SNTG1: variants seen among roughly 807,000 people sequenced by gnomAD.
SNTG1 encodes gamma-1-syntrophin.
In SNTG1, 39 loss-of-function variants were observed where a neutral mutation model predicts 74.7. The ratio of observed to expected loss-of-function variants is 0.52; its 90% confidence interval spans 0.40 to 0.68. The LOEUF is 0.68. SNTG1 is among the 30% of genes least tolerant of loss of function. The pLI, the probability that SNTG1 is intolerant of heterozygous loss-of-function variation, is 0.00. For synonymous variants in SNTG1, 254 were observed against 217.1 expected, an observed-to-expected ratio of 1.17 and a Z score of -1.49; for missense variants, 685 against 609.5, an observed-to-expected ratio of 1.12 and a Z score of -1.30.
intron 12 of SNTG1, among the ~76,000 whole-genome samples, chr8:50,572,258 T>TTATA (rs778113467): frequency 1.4e-4 from 13 of 93,118 alleles, no homozygotes; most frequent in East Asian, 4.4e-4. Context: ...ATCACCTATT[T>TTATA]TATATATATA....
intron 17 of SNTG1, among the ~76,000 whole-genome samples, chr8:50,718,512 C>T (rs924340746): frequency 6.6e-6 from 1 of 152,124 alleles, no homozygotes; most frequent in Non-Finnish European, 1.5e-5. Context: ...ATGGTTCTCT[C>T]GAACATCCTC....
intron 13 of SNTG1, among the ~76,000 whole-genome samples, chr8:50,616,708 T>C (rs1430821642): frequency 6.6e-6 from 1 of 152,182 alleles, no homozygotes; most frequent in Non-Finnish European, 1.5e-5. Context: ...GACCTGTGTT[T>C]CATGTGCAGA....
chr8:50,416,529 T>TATTA (rs2093015961), intron 4 of SNTG1, among the ~76,000 whole-genome samples: 1 of 152,156 alleles, frequency 6.6e-6, no homozygotes, highest in African/African-American at 2.4e-5. Context: ...TTTTCAAGAC[T>TATTA]ATTATTAATA....
chr8:50,629,916 G>A (rs1353031969), intron 13 of SNTG1, among the ~76,000 whole-genome samples: 1 of 152,160 alleles, frequency 6.6e-6, no homozygotes, highest in Non-Finnish European at 1.5e-5. Context: ...TAACAGTGCT[G>A]CTTCGATATT....
chr8:50,502,946 C>A, intron 9 of SNTG1, 66 bp downstream of exon 9: 2 of 1,288,520 alleles, frequency 1.6e-6, no homozygotes, highest in Non-Finnish European at 2.2e-6. Flanking sequence ...ATTATTTTGA[C>A]AATAATTGGT....
intron 9 of SNTG1, among the ~76,000 whole-genome samples, chr8:50,503,847 T>G (rs2093984190): frequency 6.6e-6 from 1 of 152,202 alleles, no homozygotes; most frequent in Admixed American, 6.5e-5. Context: ...AAACGTTCTT[T>G]TATTTAACTT....
chr8:50,305,601 C>A (rs1587042050), intron 2 of SNTG1, among the ~76,000 whole-genome samples: 1 of 145,768 alleles, frequency 6.9e-6, no homozygotes. Context: ...TTGGTTTTTA[C>A]TTTGTTTTTG....
At chr8:50,669,093 C>T (rs1272297899) in intron 15 of SNTG1, among the ~76,000 whole-genome samples, 1 of 151,760 alleles carries the variant, frequency 6.6e-6, no homozygotes, top group Non-Finnish European at 1.5e-5. Context: ...CAGGAAAGAT[C>T]CAAAATTGAC....
intron 17 of SNTG1, among the ~76,000 whole-genome samples, chr8:50,735,113 ACT>A (rs1199357455): frequency 6.6e-6 from 1 of 151,244 alleles, no homozygotes; most frequent in Non-Finnish European, 1.5e-5. Context: ...CGAAACAGAA[ACT>A]CTGTAACTAT....
At chr8:50,791,284 G>C (rs1477718146) in intron 18 of SNTG1, among the ~76,000 whole-genome samples, 7 of 151,752 alleles carry the variant, frequency 4.6e-5, no homozygotes. Flanking sequence ...TCATTATGAT[G>C]GAGTTACTAA....
intron 1 of SNTG1, among the ~76,000 whole-genome samples, chr8:50,131,171 A>G (rs542015586): frequency 5.6e-4 from 86 of 152,220 alleles, no homozygotes; most frequent in African/African-American, 2.0e-3. Context: ...ATAAATCAAC[A>G]CATTTATGAC....
chr8:50,287,592 G>C (rs889907947), intron 2 of SNTG1, among the ~76,000 whole-genome samples: 1 of 152,084 alleles, frequency 6.6e-6, no homozygotes, highest in East Asian at 1.9e-4. Context: ...GCAGTTCTGT[G>C]GTCGGTTATC....
chr8:50,203,358 C>A (rs1281215391), intron 2 of SNTG1, among the ~76,000 whole-genome samples: 1 of 152,120 alleles, frequency 6.6e-6, no homozygotes, highest in Non-Finnish European at 1.5e-5. Context: ...ACAATCTCAG[C>A]TGTTTCTCTG....
intron 17 of SNTG1, among the ~76,000 whole-genome samples, chr8:50,726,077 A>G (rs1224107050): frequency 6.6e-6 from 1 of 152,142 alleles, no homozygotes; most frequent in Non-Finnish European, 1.5e-5. Flanking sequence ...GGTATGTGAC[A>G]TGTGGTATGT....
chr8:50,400,570 C>A (rs530559624), intron 3 of SNTG1, among the ~76,000 whole-genome samples: 2 of 152,116 alleles, frequency 1.3e-5, no homozygotes, highest in African/African-American at 2.4e-5. Context: ...TTTAAGGAAT[C>A]TTCATACTGT....
chr8:50,485,511 G>A (rs2093783925), intron 8 of SNTG1, among the ~76,000 whole-genome samples: 1 of 151,842 alleles, frequency 6.6e-6, no homozygotes, highest in Non-Finnish European at 1.5e-5. Flanking sequence ...ACTTTTTGAT[G>A]GGGTTGTTTG....
intron 2 of SNTG1, among the ~76,000 whole-genome samples, chr8:50,253,418 C>A (rs111271022): frequency 1.3e-5 from 1 of 77,368 alleles, no homozygotes; most frequent in South Asian, 5.8e-4. Flanking sequence ...AGTAAAACTC[C>A]GTCTTAAATA....
At chr8:50,788,494 C>T (rs2095682154) in intron 18 of SNTG1, among the ~76,000 whole-genome samples, 1 of 151,850 alleles carries the variant, frequency 6.6e-6, no homozygotes, top group Non-Finnish European at 1.5e-5. Context: ...GAGTTATTGA[C>T]CCACTTATGC....
At chr8:50,669,671 A>C (rs1315839855) in intron 15 of SNTG1, among the ~76,000 whole-genome samples, 3 of 152,070 alleles carry the variant, frequency 2.0e-5, no homozygotes, top group Non-Finnish European at 4.4e-5. Flanking sequence ...AAAAGAGGGA[A>C]TCCTCCCTAA....
Sources: allele counts gnomAD v4.1 joint callset (sites outside exome capture counted in the v4.1 genomes callset), GRCh38; gene constraint gnomAD v4.1.1; transcripts MANE v1.5; gene names NCBI Gene and HGNC (gene_info 2026-07-23, HGNC 2026-07-21).